The following LRP1B variants were observed in gnomAD, a reference collection of about 807,000 sequenced individuals.
The protein encoded by LRP1B is LDL receptor related protein 1B.
In LRP1B, 217 loss-of-function variants were observed where a neutral mutation model predicts 556.6. The ratio of observed to expected loss-of-function variants is 0.39; its 90% confidence interval spans 0.35 to 0.44. The LOEUF (loss-of-function observed/expected upper bound fraction) is 0.44. Among genes scored for constraint, LRP1B ranks in the 20% least tolerant of loss-of-function variants. LRP1B has a pLI of 1.00. For missense variants in LRP1B, 5,053 were observed against 5,620.8 expected (o/e 0.90, Z 3.23); for synonymous variants, 2,047 against 1,865.8 (o/e 1.10, Z -2.50).
At chr2:141,169,331 T>TAAAG (rs1228764602) in intron 7 of LRP1B, among the ~76,000 whole-genome samples, 7 of 144,936 alleles carry the variant, frequency 4.8e-5, no homozygotes, top group African/African-American at 1.6e-4. Flanking sequence ...AATAAATAAA[T>TAAAG]AAATAAAGAA....
At chr2:141,654,691 G>A (rs1689936929) in intron 2 of LRP1B, among the ~76,000 whole-genome samples, 1 of 152,070 alleles carries the variant, frequency 6.6e-6, no homozygotes, top group African/African-American at 2.4e-5. Flanking sequence ...CTTCAGCCCA[G>A]GACCAAAATG....
At chr2:141,496,905 G>A (rs1403690828) in intron 2 of LRP1B, among the ~76,000 whole-genome samples, 1 of 151,946 alleles carries the variant, frequency 6.6e-6, no homozygotes, top group East Asian at 1.9e-4. Flanking sequence ...TTTGTTTTTA[G>A]AAACAGAATT....
At chr2:140,538,120 G>T (rs1482034207) in intron 45 of LRP1B, among the ~76,000 whole-genome samples, 2 of 152,016 alleles carry the variant, frequency 1.3e-5, no homozygotes, top group East Asian at 3.9e-4. Flanking sequence ...CAATTAAACA[G>T]CCACTAATAC....
chr2:141,410,285 T>A (rs756505940), intron 3 of LRP1B, among the ~76,000 whole-genome samples: 2 of 152,038 alleles, frequency 1.3e-5, no homozygotes, highest in African/African-American at 2.4e-5. Flanking sequence ...TGGTTAATAA[T>A]GTATTTTCAT....
chr2:140,330,698 G>A (rs1558807355), intron 79 of LRP1B, among the ~76,000 whole-genome samples: 2 of 151,808 alleles, frequency 1.3e-5, no homozygotes. Flanking sequence ...AAAAGCAATT[G>A]TTAACAAGAA....
intron 82 of LRP1B, among the ~76,000 whole-genome samples, chr2:140,318,704 G>T (rs1684640765): frequency 6.6e-6 from 1 of 152,010 alleles, no homozygotes; most frequent in African/African-American, 2.4e-5. Context: ...GGGATGTATT[G>T]TGTGACGATT....
intron 41 of LRP1B, among the ~76,000 whole-genome samples, chr2:140,632,941 T>C (rs1247211296): frequency 6.6e-6 from 1 of 151,854 alleles, no homozygotes; most frequent in African/African-American, 2.4e-5. Context: ...CAGGCACCTG[T>C]AGTCCCAGCT....
At chr2:141,209,396 T>C (rs1573654796) in intron 6 of LRP1B, among the ~76,000 whole-genome samples, 1 of 152,182 alleles carries the variant, frequency 6.6e-6, no homozygotes, top group East Asian at 1.9e-4. Context: ...TCTGCTGTGA[T>C]TGTAAGTTTT....
At chr2:141,249,512 G>T (rs1684186735) in intron 4 of LRP1B, among the ~76,000 whole-genome samples, 1 of 152,078 alleles carries the variant, frequency 6.6e-6, no homozygotes, top group Admixed American at 6.6e-5. Context: ...CATGAGAATT[G>T]CTTGAACCTA....
At chr2:141,066,771 T>TA (rs1453844693) in intron 7 of LRP1B, among the ~76,000 whole-genome samples, 1 of 151,918 alleles carries the variant, frequency 6.6e-6, no homozygotes, top group Non-Finnish European at 1.5e-5. Context: ...TTTAACTTTT[T>TA]AGAAAGTTAG....
At chr2:140,314,596 C>A (rs1302854493) in intron 83 of LRP1B, among the ~76,000 whole-genome samples, 1 of 151,996 alleles carries the variant, frequency 6.6e-6, no homozygotes, top group Non-Finnish European at 1.5e-5. Flanking sequence ...AGGAAAACTA[C>A]GTGCAACAAC....
intron 13 of LRP1B, 61 bp from the exon 14 acceptor site, chr2:141,013,806 T>C: frequency 1.0e-6 from 1 of 979,434 alleles, no homozygotes; most frequent in South Asian, 2.4e-5. Context: ...TAACTAGATA[T>C]TTAGAGAAAG....
At chr2:141,970,171 G>A (rs1701689652) in intron 1 of LRP1B, among the ~76,000 whole-genome samples, 1 of 151,358 alleles carries the variant, frequency 6.6e-6, no homozygotes, top group African/African-American at 2.4e-5. Context: ...TACATATTTT[G>A]CATATTAACC....
intron 3 of LRP1B, among the ~76,000 whole-genome samples, chr2:141,430,881 G>A (rs931630950): frequency 2.0e-5 from 3 of 152,040 alleles, no homozygotes; most frequent in African/African-American, 7.2e-5. Flanking sequence ...TGTAATCCCA[G>A]CACTTTGGGA....
At chr2:141,237,187 T>C (rs1291198728) in intron 5 of LRP1B, among the ~76,000 whole-genome samples, 2 of 152,102 alleles carry the variant, frequency 1.3e-5, no homozygotes, top group African/African-American at 4.8e-5. Context: ...TCAAGGATTA[T>C]TTGGAAATTG....
chr2:140,442,638 T>G lies in LRP1B; in HGVS notation c.10295-15A>C. On this transcript the variant is annotated splice_polypyrimidine_tract_variant and intron_variant, in intron 65 of 90. Transcript: ENST00000389484. Reference sequence around the variant, plus strand: ...GCTGTTTTCAGCTTAGAAAGAAAACTGCCATTAAAATGTAGCTTTGGAGAA... The same window carrying G: ...GCTGTTTTCAGCTTAGAAAGAAAACGGCCATTAAAATGTAGCTTTGGAGAA... 6.2e-7 allele frequency: 1 copy of G among 1,611,632 alleles called. No homozygotes were observed. Among genetic ancestry groups the G allele is most frequent in the Non-Finnish European group, 8.5e-7 (1 of 1,179,074 alleles).
At chr2:140,602,633 G>T (rs1682716230) in intron 41 of LRP1B, among the ~76,000 whole-genome samples, 1 of 152,002 alleles carries the variant, frequency 6.6e-6, no homozygotes, top group Admixed American at 6.6e-5. Flanking sequence ...TCTGAAAAGA[G>T]CTGTTTCCAG....
intron 3 of LRP1B, among the ~76,000 whole-genome samples, chr2:141,414,728 G>C (rs1006493888): frequency 7.2e-5 from 11 of 152,308 alleles, no homozygotes; most frequent in Non-Finnish European, 1.5e-4. Context: ...TCCTGTTTCT[G>C]ATTCTTAATA....
chr2:141,565,511 G>A (rs1461967208), intron 2 of LRP1B, among the ~76,000 whole-genome samples: 1 of 152,160 alleles, frequency 6.6e-6, no homozygotes, highest in Non-Finnish European at 1.5e-5. Context: ...AATACAGCAG[G>A]TAATGATGTG....
Sources: allele counts gnomAD v4.1 joint callset (sites outside exome capture counted in the v4.1 genomes callset), GRCh38; gene constraint gnomAD v4.1.1; transcripts MANE v1.5; gene names NCBI Gene and HGNC (gene_info 2026-07-23, HGNC 2026-07-21).